Variants in TMED8 observed in about 807,000 individuals in gnomAD.
The protein encoded by TMED8 is transmembrane p24 trafficking protein family member 8.
TMED8 carries 15 observed loss-of-function variants against 32.7 expected under a neutral mutation model. The ratio of observed to expected loss-of-function variants is 0.46; its 90% confidence interval spans 0.31 to 0.71. The LOEUF (loss-of-function observed/expected upper bound fraction) is 0.71, where lower values mean the gene tolerates loss of function less well. Among genes scored for constraint, TMED8 ranks in the 30% least tolerant of loss-of-function variants. The pLI is 0.06. For missense variants in TMED8, 390 were observed against 423.9 expected, an observed-to-expected ratio of 0.92 and a Z score of 0.70; for synonymous variants, 147 against 161.4, an observed-to-expected ratio of 0.91 and a Z score of 0.68.
At chr14:77,351,572 C>G in intron 2 of TMED8, 101 bp downstream of exon 2, 1 of 1,163,614 alleles carries the variant, frequency 8.6e-7, no homozygotes, top group Non-Finnish European at 1.2e-6. Context: ...ACATTCTTTA[C>G]TTTAACTTGC....
chr14:77,346,385 A>G lies in TMED8; in HGVS notation c.291T>C (p.Asp97=), dbSNP rs1893033892. 5 of 1,614,028 alleles carry G rather than the reference A, an allele frequency of 3.1e-6. No homozygotes were observed. The highest frequency in any genetic ancestry group is 4.2e-6 in the Non-Finnish European group (5 of 1,180,010). Residue 97 remains aspartate (D), a synonymous_variant, in exon 3 of 6, where the codon GAT becomes GAC. Coordinates refer to ENST00000216468, the MANE Select transcript of TMED8 (RefSeq NM_213601.3). Reference sequence around the variant, plus strand: ...CCTGGGCCTGGTCTGCAGGCAGCAAATCCTGTTTCACCAAGGCCTGAGCCT... The same window carrying G: ...CCTGGGCCTGGTCTGCAGGCAGCAAGTCCTGTTTCACCAAGGCCTGAGCCT... ...PLEAQALVKQ[D]LLPADQAQVL...
chr14:77,344,147 G>T (rs1192848375), intron 3 of TMED8, among the ~76,000 whole-genome samples: 2 of 152,102 alleles, frequency 1.3e-5, no homozygotes, highest in Admixed American at 6.6e-5. Flanking sequence ...TGTGATTCTG[G>T]GCCATGCCTT....
chr14:77,342,990 T>C (rs1477229195), intron 5 of TMED8, among the ~76,000 whole-genome samples, 188 bp downstream of exon 5: 1 of 152,158 alleles, frequency 6.6e-6, no homozygotes, highest in Non-Finnish European at 1.5e-5. Flanking sequence ...AGAGGCTTTC[T>C]TTCAATTAAG....
At chr14:77,371,273 T>C (rs1893673116) in intron 1 of TMED8, among the ~76,000 whole-genome samples, 1 of 152,222 alleles carries the variant, frequency 6.6e-6, no homozygotes, top group African/African-American at 2.4e-5. Flanking sequence ...ATTTACAATC[T>C]CATTAGCAAA....
At chr14:77,372,912 A>T (rs1372674901) in intron 1 of TMED8, among the ~76,000 whole-genome samples, 1,149 of 6,596 alleles carry the variant, frequency 0.17, 71 homozygotes, top group Admixed American at 0.22. Context: ...GATATTATAT[A>T]TATATATATA....
chr14:77,361,877 C>T (rs925434681), intron 1 of TMED8, among the ~76,000 whole-genome samples: 4 of 152,156 alleles, frequency 2.6e-5, no homozygotes, highest in Admixed American at 6.5e-5. Flanking sequence ...GCAGCCTCGA[C>T]CTCCATGGCT....
intron 5 of TMED8, among the ~76,000 whole-genome samples, chr14:77,342,390 C>T (rs983996553): frequency 1.3e-5 from 2 of 152,088 alleles, no homozygotes; most frequent in East Asian, 1.9e-4. Context: ...GACTAGCTAA[C>T]GAAGATAGGA....
rs186094804 is a variant in TMED8, at chr14:77,340,097, A to C, written c.*1674T>G. 3 of 152,228 alleles carry C rather than the reference A, an allele frequency of 2.0e-5. No individual in the cohort carries two copies. Among genetic ancestry groups the C allele is most frequent in the African/African-American group, 4.8e-5 (2 of 41,462 alleles). 9.4% of individuals were successfully genotyped at this position (152,228 alleles called of 1,614,324 possible). On this transcript the variant is annotated 3_prime_UTR_variant, in exon 6 of 6. Transcript: ENST00000216468. ...TTGGTTAGGGAATTCCTCTGCACTC[A>C]ATCTCCAGCAAATGGGCAGATTCCC... is the stretch of plus-strand genomic sequence containing the variant.
rs1408209049 is a variant in TMED8, at chr14:77,338,269, C to T, written c.*3502G>A. ...TTTGACGTATTTTGAAATGGCCCTA[C>T]AAAGCTGTCTCTTGTGGGGGAAACT... On this transcript the variant is annotated 3_prime_UTR_variant, in exon 6 of 6. Coordinates refer to ENST00000216468, the MANE Select transcript of TMED8 (RefSeq NM_213601.3). 8 of 152,192 alleles carry T rather than the reference C, an allele frequency of 5.3e-5. No individual in the cohort carries two copies. The highest frequency in any genetic ancestry group is 1.0e-4 in the Non-Finnish European group (7 of 68,038). The allele number at this position is 152,192 out of a possible 1,614,324, so 9.4% of individuals were successfully genotyped here.
rs775408619 is a variant in TMED8, at chr14:77,341,941, G to C, written c.808C>G (p.Arg270Gly). ...DVERGSRSSL[R>G]GRYGEVMPVY... is the part of the protein sequence containing the mutation. ...GGCATGACCTCCCCATAGCGACCCCGCAAGGAGCTCCTGGAGCCTCTCTCC... is the reference window on the plus strand; with the variant it reads ...GGCATGACCTCCCCATAGCGACCCCCCAAGGAGCTCCTGGAGCCTCTCTCC... Residue 270 changes from arginine (R) to glycine (G), a missense_variant, in exon 6 of 6, where the codon CGG becomes GGG. Arg to Gly is a moderately radical substitution (Grantham distance 125). Transcript: ENST00000216468. 2 of 1,613,994 alleles carry C rather than the reference G, an allele frequency of 1.2e-6. No individual in the cohort carries two copies. Among genetic ancestry groups the C allele is most frequent in the Non-Finnish European group, 1.7e-6 (2 of 1,180,022 alleles).
chr14:77,346,766 T>TG (rs1893053679), intron 2 of TMED8, among the ~76,000 whole-genome samples: 2 of 137,292 alleles, frequency 1.5e-5, no homozygotes, highest in Non-Finnish European at 3.1e-5. Flanking sequence ...TCTGGTTTTT[T>TG]TTTTTTTTTT....
rs139501115 is a variant in TMED8, at chr14:77,338,419, A to C, written c.*3352T>G. On this transcript the variant is annotated 3_prime_UTR_variant, in exon 6 of 6. Transcript: ENST00000216468. ...AGCCTGCTACCTGGAGGCTTCATCT[A>C]CATGACTTAAGCCAAGCCTCCCTTA... 1 of 152,228 alleles carries C rather than the reference A, an allele frequency of 6.6e-6. No homozygotes were observed. Among genetic ancestry groups the C allele is most frequent in the Admixed American group, 6.5e-5 (1 of 15,280 alleles). 9.4% of individuals were successfully genotyped at this position (152,228 alleles called of 1,614,324 possible).
intron 1 of TMED8, among the ~76,000 whole-genome samples, chr14:77,370,649 A>C (rs1392153001): frequency 6.6e-6 from 1 of 152,046 alleles, no homozygotes; most frequent in Non-Finnish European, 1.5e-5. Flanking sequence ...TACAGTGAAA[A>C]ATTTCCTCCC....
chr14:77,370,669 C>T (rs1392427289), intron 1 of TMED8, among the ~76,000 whole-genome samples: 1 of 151,796 alleles, frequency 6.6e-6, no homozygotes, highest in Non-Finnish European at 1.5e-5. Flanking sequence ...CATGTCAGTC[C>T]CTACCTCCAA....
chr14:77,337,890 A>C lies in TMED8; in HGVS notation c.*3881T>G, dbSNP rs900305219. 7 of 152,228 alleles carry C rather than the reference A, an allele frequency of 4.6e-5. No homozygotes were observed. Among genetic ancestry groups the C allele is most frequent in the African/African-American group, 1.4e-4 (6 of 41,472 alleles). 9.4% of individuals were successfully genotyped at this position (152,228 alleles called of 1,614,324 possible). A position where few individuals can be genotyped will look rare whatever the true frequency, so the allele number is the denominator to read the frequency against. On this transcript the variant is annotated 3_prime_UTR_variant, in exon 6 of 6. Transcript: ENST00000216468. Reference sequence around the variant, plus strand: ...TTGGTAGTTTAAAATTTTTACATTTATGCGGGGAGTGTGTGTATACATATA... The same window carrying C: ...TTGGTAGTTTAAAATTTTTACATTTCTGCGGGGAGTGTGTGTATACATATA...
At chr14:77,360,076 CA>C (rs1893396266) in intron 1 of TMED8, among the ~76,000 whole-genome samples, 1 of 152,050 alleles carries the variant, frequency 6.6e-6, no homozygotes, top group Non-Finnish European at 1.5e-5. Context: ...TTTTGATATA[CA>C]TATAGATGGT....
chr14:77,340,605 CA>C lies in TMED8; in HGVS notation c.*1165del, dbSNP rs1892873694. 1 of 152,170 alleles carries C rather than the reference CA, an allele frequency of 6.6e-6. No individual in the cohort carries two copies. The highest frequency in any genetic ancestry group is 1.5e-5 in the Non-Finnish European group (1 of 68,040). 9.4% of individuals were successfully genotyped at this position (152,170 alleles called of 1,614,324 possible). Reference sequence around the variant, plus strand: ...TGCACTCTGTGGCACTCCTGAGCCTCAGGGGTGACACAGTAGGAAATGCTGT... The same window carrying C: ...TGCACTCTGTGGCACTCCTGAGCCTCGGGGTGACACAGTAGGAAATGCTGT... On this transcript the variant is annotated 3_prime_UTR_variant, in exon 6 of 6. Transcript: ENST00000216468.
At chr14:77,352,609 C>T (rs867528216) in intron 1 of TMED8, among the ~76,000 whole-genome samples, 5 of 151,306 alleles carry the variant, frequency 3.3e-5, no homozygotes, top group Non-Finnish European at 7.4e-5. Context: ...CATGGTGGCA[C>T]GCAGCTGTAA....
At chr14:77,355,532 A>T (rs935826200) in intron 1 of TMED8, among the ~76,000 whole-genome samples, 21 of 152,294 alleles carry the variant, frequency 1.4e-4, no homozygotes, top group African/African-American at 4.8e-4. Flanking sequence ...GTCAATAAAG[A>T]TAGGGCTATA....
Sources: gnomAD v4.1 joint callset for allele counts (sites outside exome capture counted in the v4.1 genomes callset) on GRCh38, gnomAD v4.1.1 for gene constraint, MANE v1.5 for transcripts, NCBI Gene and HGNC (gene_info 2026-07-23, HGNC 2026-07-21) for gene names.